STPG2: variants seen among roughly 807,000 people sequenced by gnomAD.
STPG2 encodes sperm-tail PG-rich repeat-containing protein 2.
In STPG2, 56 loss-of-function variants were observed where a neutral mutation model predicts 54.2. The observed-to-expected ratio is 1.03, with a 90% confidence interval of 0.83 to 1.29. STPG2 has a LOEUF of 1.29. Ranked by LOEUF, STPG2 falls within the 50% of genes most tolerant of loss-of-function variation. The probability of loss-of-function intolerance (pLI) is 0.00; values close to 1 mark genes in which losing one functional copy is unlikely to be tolerated. For missense variants in STPG2, 596 were observed against 544.9 expected (o/e 1.09, Z -0.93); for synonymous variants, 200 against 181.8 (o/e 1.10, Z -0.81).
chr4:97,839,878 A>AT (rs1038730506), intron 9 of STPG2, among the ~76,000 whole-genome samples: 2 of 151,358 alleles, frequency 1.3e-5, no homozygotes, highest in Non-Finnish European at 3.0e-5. Flanking sequence ...ATTCTGTTTC[A>AT]TTTTTTTCTC....
At chr4:97,899,313 A>G (rs1731084108) in intron 8 of STPG2, among the ~76,000 whole-genome samples, 4 of 151,988 alleles carry the variant, frequency 2.6e-5, no homozygotes. Flanking sequence ...GTGCTCACAG[A>G]AATCAGAGAA....
intron 10 of STPG2, among the ~76,000 whole-genome samples, chr4:97,664,675 G>C (rs1488145178): frequency 6.8e-6 from 1 of 146,368 alleles, no homozygotes; most frequent in African/African-American, 2.8e-5. Context: ...GTATGTTTCT[G>C]ATAAGAAGCT....
intron 5 of STPG2, among the ~76,000 whole-genome samples, chr4:98,100,764 C>T (rs1272714492): frequency 1.3e-5 from 2 of 150,954 alleles, no homozygotes; most frequent in African/African-American, 4.9e-5. Flanking sequence ...CAACCTCTGC[C>T]TCCCAGGTTC....
At chr4:97,828,600 G>A (rs1389826363) in intron 9 of STPG2, among the ~76,000 whole-genome samples, 2 of 152,124 alleles carry the variant, frequency 1.3e-5, no homozygotes, top group Non-Finnish European at 2.9e-5. Flanking sequence ...GTCTGCCTCA[G>A]TGGGTCTCAC....
intron 9 of STPG2, among the ~76,000 whole-genome samples, chr4:97,742,561 GTGTGTCTA>G (rs1334897451): frequency 5.6e-5 from 7 of 125,590 alleles, no homozygotes; most frequent in African/African-American, 1.6e-4. Context: ...GTGTGTGTGT[GTGTGTCTA>G]TATATATATG....
At chr4:97,523,583 G>GA (rs1044142285) in intron 4 of STPG2, among the ~76,000 whole-genome samples, 4 of 151,706 alleles carry the variant, frequency 2.6e-5, no homozygotes, top group East Asian at 1.9e-4. Context: ...GTGTTTATTA[G>GA]AAAAAAATGT....
intron 8 of STPG2, among the ~76,000 whole-genome samples, chr4:97,925,565 T>C (rs567159776): frequency 1.3e-5 from 2 of 152,264 alleles, no homozygotes; most frequent in African/African-American, 4.8e-5. Flanking sequence ...GTTAGTTGTA[T>C]AATAAGATAA....
At chr4:97,486,870 C>T (rs1730378297) in intron 4 of STPG2, among the ~76,000 whole-genome samples, 1 of 142,612 alleles carries the variant, frequency 7.0e-6, no homozygotes, top group Admixed American at 6.8e-5. Flanking sequence ...AACACACACA[C>T]ACACACACAC....
At chr4:98,056,578 G>C (rs1353909749) in intron 5 of STPG2, among the ~76,000 whole-genome samples, 3 of 151,712 alleles carry the variant, frequency 2.0e-5, no homozygotes, top group African/African-American at 7.3e-5. Flanking sequence ...TCCCATAAAT[G>C]AAGCCATATC....
chr4:98,125,857 C>T (rs1359998565), intron 3 of STPG2, among the ~76,000 whole-genome samples: 1 of 152,212 alleles, frequency 6.6e-6, no homozygotes, highest in African/African-American at 2.4e-5. Context: ...TCCATAAACC[C>T]CTGGCTGGAG....
intron 10 of STPG2, among the ~76,000 whole-genome samples, chr4:97,579,281 T>A (rs1175448652): frequency 6.6e-6 from 1 of 152,052 alleles, no homozygotes; most frequent in Non-Finnish European, 1.5e-5. Context: ...TACACATACA[T>A]ACACACCCTG....
At chr4:98,032,811 A>G (rs888915473) in intron 5 of STPG2, among the ~76,000 whole-genome samples, 8 of 152,216 alleles carry the variant, frequency 5.3e-5, no homozygotes, top group African/African-American at 1.9e-4. Context: ...ACACAACTAC[A>G]TGGAAACTGA....
chr4:97,647,225 T>C (rs1252181933), intron 10 of STPG2, among the ~76,000 whole-genome samples: 1 of 152,184 alleles, frequency 6.6e-6, no homozygotes, highest in Non-Finnish European at 1.5e-5. Context: ...AAGTTCTGGC[T>C]CTGCCATTTA....
chr4:97,748,662 C>G (rs1725492404), intron 9 of STPG2, among the ~76,000 whole-genome samples: 1 of 151,520 alleles, frequency 6.6e-6, no homozygotes, highest in Admixed American at 6.6e-5. Flanking sequence ...GATATTGTAA[C>G]ACAAAAGCCA....
intron 9 of STPG2, among the ~76,000 whole-genome samples, chr4:97,777,715 A>G (rs1390098638): frequency 6.6e-6 from 1 of 152,190 alleles, no homozygotes; most frequent in Non-Finnish European, 1.5e-5. Flanking sequence ...AATTCAGTTA[A>G]CTTCTCTATT....
chr4:97,532,183 G>C (rs1290600908), intron 4 of STPG2, among the ~76,000 whole-genome samples: 1 of 151,990 alleles, frequency 6.6e-6, no homozygotes, highest in South Asian at 2.1e-4. Flanking sequence ...TTTTAATCCA[G>C]TAGTAATAAT....
intron 8 of STPG2, among the ~76,000 whole-genome samples, chr4:97,858,571 G>A (rs547318631): frequency 6.6e-6 from 1 of 152,102 alleles, no homozygotes; most frequent in South Asian, 2.1e-4. Flanking sequence ...ATCTCTCCAA[G>A]TCCCAAGAGT....
At chr4:97,985,414 G>C (rs1159766039) in intron 5 of STPG2, among the ~76,000 whole-genome samples, 4 of 152,052 alleles carry the variant, frequency 2.6e-5, no homozygotes, top group Non-Finnish European at 4.4e-5. Context: ...TTGCCATAAA[G>C]GAAATATTGT....
intron 4 of STPG2, among the ~76,000 whole-genome samples, chr4:97,539,385 T>C (rs992935830): frequency 6.6e-6 from 1 of 151,914 alleles, no homozygotes. Flanking sequence ...AAGGCAGGGG[T>C]TGGAATCCTA....
Sources: allele counts gnomAD v4.1 joint callset (sites outside exome capture counted in the v4.1 genomes callset), GRCh38; gene constraint gnomAD v4.1.1; transcripts MANE v1.5; gene names NCBI Gene and HGNC (gene_info 2026-07-23, HGNC 2026-07-21).